Variants in ANXA6 observed in about 807,000 individuals in gnomAD.
The protein encoded by ANXA6 is 67 kDa calelectrin.
A neutral mutation model predicts 95.4 loss-of-function variants in ANXA6; 71 were observed. The ratio of observed to expected loss-of-function variants is 0.74; its 90% CI spans 0.61 to 0.91. The LOEUF (loss-of-function observed/expected upper bound fraction) is 0.91. Ranked by LOEUF, ANXA6 falls within the 40% of genes least tolerant of loss-of-function variation. ANXA6 has a pLI of 0.00. For missense variants in ANXA6, 830 were observed against 876.4 expected (o/e 0.95, Z 0.67); for synonymous variants, 289 against 315.9 (o/e 0.91, Z 0.90).
chr5:151,101,097 A>G lies in ANXA6; in HGVS notation c.*351T>C, dbSNP rs1014713042. Reference sequence around the variant, plus strand: ...CAACCCCCTCATTCAAAGTACAGACACTACTCATTTTACAGACAGAGGTTC... The same window carrying G: ...CAACCCCCTCATTCAAAGTACAGACGCTACTCATTTTACAGACAGAGGTTC... On this transcript the variant is annotated 3_prime_UTR_variant, in exon 26 of 26. Coordinates refer to ENST00000354546, the MANE Select transcript of ANXA6 (RefSeq NM_001155.5). 2.0e-6 allele frequency: 1 copy of G among 495,628 alleles called. No homozygotes were observed. The allele number at this position is 495,628 out of a possible 1,614,324, so 30.7% of individuals were successfully genotyped here. A position where few individuals can be genotyped will look rare whatever the true frequency, so the allele number is the denominator to read the frequency against.
chr5:151,143,507 T>TCAAG (rs1366474738), intron 2 of ANXA6, among the ~76,000 whole-genome samples: 1 of 152,118 alleles, frequency 6.6e-6, no homozygotes, highest in Non-Finnish European at 1.5e-5. Context: ...ATTCATTCAA[T>TCAAG]CAAGCAAGCA....
At chr5:151,153,037 A>G (rs1362351586) in intron 1 of ANXA6, among the ~76,000 whole-genome samples, 1 of 152,092 alleles carries the variant, frequency 6.6e-6, no homozygotes, top group Non-Finnish European at 1.5e-5. Context: ...CTGAGGGGCT[A>G]CAGCCTGAGC....
chr5:151,124,056 TG>T (rs1012498576), intron 15 of ANXA6, among the ~76,000 whole-genome samples: 3 of 152,198 alleles, frequency 2.0e-5, no homozygotes, highest in Admixed American at 2.0e-4. Flanking sequence ...TCCAGGAGGC[TG>T]GGGGACACCT....
Position 151,133,177 on chromosome 5 carries a change from T to C in ANXA6, c.557A>G (p.Glu186Gly), listed in dbSNP as rs1765566718. ...TGTTCCCCATTTCAGTTCCCCTGCC[T>C]CGTATAGGTCCTGAAGGGGAAGAGG... ...LVQQDVQDLY[E>G]AGELKWGTDE... The change falls in exon 9 of 26, where the codon GAG (glutamate) becomes GGG (glycine). Residue 186 changes from glutamate (E) to glycine (G), a missense_variant. By Grantham distance (98) the Glu-to-Gly change is moderately conservative (BLOSUM62 -2). Transcript: ENST00000354546. 6.3e-7 allele frequency: 1 copy of C among 1,585,380 alleles called. No individual in the cohort carries two copies. Among genetic ancestry groups the C allele is most frequent in the African/African-American group, 1.3e-5 (1 of 74,310 alleles).
At chr5:151,138,946 T>G in intron 4 of ANXA6, 155 bp from the exon 5 acceptor site, 1 of 634,860 alleles carries the variant, frequency 1.6e-6, no homozygotes, top group Non-Finnish European at 2.8e-6. Context: ...TTACCAACCC[T>G]AAGAGACAGG....
chr5:151,105,401 G>C (rs1206446574), intron 23 of ANXA6, 98 bp from the exon 24 acceptor site: 2 of 1,008,558 alleles, frequency 2.0e-6, no homozygotes, highest in East Asian at 4.9e-5. Flanking sequence ...GTCTATCCCT[G>C]CATGGGTCTG....
At chr5:151,113,339 T>C (rs1414088640) in intron 20 of ANXA6, among the ~76,000 whole-genome samples, 1 of 151,944 alleles carries the variant, frequency 6.6e-6, no homozygotes, top group African/African-American at 2.4e-5. Flanking sequence ...GAGGTGGAGG[T>C]TGTAGTGAGC....
At chr5:151,127,633 G>C (rs1765364841) in intron 13 of ANXA6, among the ~76,000 whole-genome samples, 1 of 152,078 alleles carries the variant, frequency 6.6e-6, no homozygotes, top group South Asian at 2.1e-4. Context: ...CTGGGCTAGG[G>C]CATCTCTGTG....
intron 2 of ANXA6, among the ~76,000 whole-genome samples, chr5:151,141,963 C>A (rs905788621): frequency 1.3e-5 from 2 of 152,176 alleles, no homozygotes; most frequent in African/African-American, 4.8e-5. Flanking sequence ...GCAGTTTGAT[C>A]CAGAAACCTC....
At chr5:151,147,310 T>C (rs1412765150) in intron 2 of ANXA6, among the ~76,000 whole-genome samples, 2 of 152,244 alleles carry the variant, frequency 1.3e-5, no homozygotes, top group African/African-American at 4.8e-5. Context: ...TTTCTACCTG[T>C]CAAGTATCCA....
At chr5:151,104,348 T>C (rs1764636087) in intron 24 of ANXA6, among the ~76,000 whole-genome samples, 1 of 152,230 alleles carries the variant, frequency 6.6e-6, no homozygotes, top group African/African-American at 2.4e-5. Flanking sequence ...GCATGGAATG[T>C]GTGGGCAGCC....
At chr5:151,130,868 A>G (rs1162321225) in intron 11 of ANXA6, among the ~76,000 whole-genome samples, 1 of 152,236 alleles carries the variant, frequency 6.6e-6, no homozygotes, top group Non-Finnish European at 1.5e-5. Context: ...TCACAGGGTG[A>G]GCATCATGAG....
chr5:151,125,790 A>G (rs1210832289), intron 14 of ANXA6, among the ~76,000 whole-genome samples: 1 of 152,180 alleles, frequency 6.6e-6, no homozygotes, highest in African/African-American at 2.4e-5. Context: ...TCAGAGCTCA[A>G]GAGCCCTAAG....
Position 151,139,362 on chromosome 5 carries a change from G to A in ANXA6, c.195C>T (p.Leu65=). 1 of 1,611,470 alleles carries A rather than the reference G, an allele frequency of 6.2e-7. No individual in the cohort carries two copies. The highest frequency in any genetic ancestry group is 8.5e-7 in the Non-Finnish European group (1 of 1,178,422). Residue 65 remains leucine (L), a synonymous_variant, in exon 4 of 26, where the codon CTC becomes CTT. Coordinates refer to ENST00000354546, the MANE Select transcript of ANXA6 (RefSeq NM_001155.5). ...RQEVCQSYKS[L]YGKDLIADLK... The stretch of plus-strand genomic sequence containing the variant: ...CGGTTGCTGTGGTTACCTTGCCGTA[G>A]AGGGACTTGTAGCTCTGGCAGACCT...
rs1469132948 is a variant in ANXA6 at position 151,157,691 on chromosome 5, G to A, written c.-37C>T. ...CTCAGCCCACTCACCGCGCAGCGGA[G>A]GCCTCGGGTCGCAGACGGACGCACG... On this transcript the variant is annotated 5_prime_UTR_variant, in exon 1 of 26. Transcript: ENST00000354546. The A allele has an allele frequency of 6.5e-6, 1 of 152,800 alleles. No homozygotes were observed. The highest frequency in any genetic ancestry group is 1.5e-5 in the Non-Finnish European group (1 of 68,132). The allele number at this position is 152,800 out of a possible 1,614,324, so 9.5% of individuals were successfully genotyped here.
chr5:151,120,588 G>A (rs1017549733), intron 17 of ANXA6, among the ~76,000 whole-genome samples: 7 of 152,128 alleles, frequency 4.6e-5, no homozygotes, highest in South Asian at 2.1e-4. Flanking sequence ...TCGTGGTGGC[G>A]TGCGCCTGTA....
At chr5:151,108,037 G>A (rs887790217) in intron 23 of ANXA6, among the ~76,000 whole-genome samples, 2 of 152,076 alleles carry the variant, frequency 1.3e-5, no homozygotes, top group Non-Finnish European at 2.9e-5. Context: ...GTGTGTATGT[G>A]TGGTGTGCAC....
At chr5:151,101,656 T>G in intron 25 of ANXA6, 149 bp from the exon 26 acceptor site, 2 of 721,590 alleles carry the variant, frequency 2.8e-6, no homozygotes, top group Non-Finnish European at 5.0e-6. Flanking sequence ...TACTGGGATC[T>G]CCCAGACACA....
chr5:151,133,509 C>T (rs541563925), intron 8 of ANXA6, among the ~76,000 whole-genome samples: 11 of 152,224 alleles, frequency 7.2e-5, no homozygotes, highest in East Asian at 1.9e-4. Context: ...GTTATCTTAC[C>T]GAATACTGTA....
Sources: allele counts gnomAD v4.1 joint callset (sites outside exome capture counted in the v4.1 genomes callset), GRCh38; gene constraint gnomAD v4.1.1; transcripts MANE v1.5; gene names NCBI Gene and HGNC (gene_info 2026-07-23, HGNC 2026-07-21).